The following FBXO33 variants were observed in gnomAD, a reference collection of about 807,000 sequenced individuals.
The protein encoded by FBXO33 is F-box only protein 33.
Under a neutral mutation model 46.3 loss-of-function variants are expected in FBXO33, and 22 were observed. That is an observed-to-expected ratio of 0.48 (90% CI 0.34 to 0.68). FBXO33 has a LOEUF of 0.68. Among genes scored for constraint, FBXO33 ranks in the 30% least tolerant of loss-of-function variants. The pLI is 0.01. For synonymous variants in FBXO33, 337 were observed against 291.3 expected (o/e 1.16, Z -1.60); for missense variants, 692 against 708.8 (o/e 0.98, Z 0.27).
intron 1 of FBXO33, among the ~76,000 whole-genome samples, chr14:39,429,184 G>T (rs1567080078): frequency 6.6e-6 from 1 of 152,070 alleles, no homozygotes; most frequent in East Asian, 1.9e-4. Flanking sequence ...TTTCCTGAGG[G>T]ACATGAAAAT....
rs150696733 is a variant in FBXO33, at chr14:39,401,033, C to T, written c.1396+143G>A. 358 of 740,228 alleles carry T rather than the reference C, an allele frequency of 4.8e-4. 1 individual carries two copies. In the African/African-American group the frequency reaches 5.7e-3, roughly 12 times the overall value. The allele number at this position is 740,228 out of a possible 1,614,324, so 45.9% of individuals were successfully genotyped here. A position where few individuals can be genotyped will look rare whatever the true frequency, so the allele number is the denominator to read the frequency against. ...TTCCTTTTGTAAGTGATATATCTTG[C>T]AAACTTTAAAAAGCATAAGAATCTG... On this transcript the variant is annotated intron_variant, in intron 3 of 3. Coordinates refer to ENST00000298097, the MANE Select transcript of FBXO33 (RefSeq NM_203301.4).
At chr14:39,409,846 T>TTTCC (rs1295480637) in intron 1 of FBXO33, among the ~76,000 whole-genome samples, 1 of 152,234 alleles carries the variant, frequency 6.6e-6, no homozygotes, top group Non-Finnish European at 1.5e-5. Flanking sequence ...ATTTTCTTAA[T>TTTCC]TTCCCGTTGA....
At chr14:39,403,385 C>G (rs975128477) in intron 1 of FBXO33, among the ~76,000 whole-genome samples, 1 of 152,074 alleles carries the variant, frequency 6.6e-6, no homozygotes, top group Non-Finnish European at 1.5e-5. Flanking sequence ...CGCTTGAGGT[C>G]GGGAGTTCGA....
intron 1 of FBXO33, 149 bp downstream of exon 1, chr14:39,431,415 A>C: frequency 7.1e-7 from 1 of 1,404,986 alleles, no homozygotes; most frequent in Non-Finnish European, 9.6e-7. Context: ...CGCTCAAGGA[A>C]ACCGCCTAGT....
chr14:39,399,905 C>T, intron 3 of FBXO33, 118 bp from the exon 4 acceptor site: 1 of 1,151,646 alleles, frequency 8.7e-7, no homozygotes, highest in Non-Finnish European at 1.2e-6. Context: ...ATCTCACTTA[C>T]CGTTTTGGTC....
At chr14:39,412,888 T>C (rs2075430307) in intron 1 of FBXO33, among the ~76,000 whole-genome samples, 1 of 152,262 alleles carries the variant, frequency 6.6e-6, no homozygotes. Context: ...ACTTTATTGC[T>C]AAAAAATGCT....
chr14:39,408,621 T>C (rs2075409148), intron 1 of FBXO33, among the ~76,000 whole-genome samples: 1 of 151,246 alleles, frequency 6.6e-6, no homozygotes, highest in South Asian at 2.1e-4. Context: ...CAAGCAATTC[T>C]CCTGCCTCAG....
intron 1 of FBXO33, among the ~76,000 whole-genome samples, chr14:39,420,351 G>A (rs909645808): frequency 6.6e-6 from 1 of 152,154 alleles, no homozygotes; most frequent in Non-Finnish European, 1.5e-5. Flanking sequence ...TTTAGTAAAG[G>A]TAAAATGGCA....
intron 1 of FBXO33, among the ~76,000 whole-genome samples, chr14:39,416,893 G>A (rs1343425573): frequency 6.6e-6 from 1 of 151,950 alleles, no homozygotes; most frequent in Non-Finnish European, 1.5e-5. Flanking sequence ...ATGTTTTCTT[G>A]ATTTTCCATG....
At position 39,411,161 on chromosome 14, in the gene FBXO33, T is replaced by C. The variant is rs182785164; in HGVS notation, c.600-8650A>G. On this transcript the variant is annotated intron_variant, in intron 1 of 3. Coordinates refer to ENST00000298097, the MANE Select transcript of FBXO33 (RefSeq NM_203301.4). ...CCAGGGCTGGAGTGCAGTGGTGTGA[T>C]CTTGGCTCACTGCACCCTCCGCCTC... Among the ~76,000 whole-genome samples, 949 of 152,168 alleles carry C rather than the reference T, an allele frequency of 6.2e-3. 3 individuals are homozygous for C. The highest frequency in any genetic ancestry group is 0.017 in the Middle Eastern group (5 of 294).
intron 1 of FBXO33, among the ~76,000 whole-genome samples, chr14:39,421,843 C>CTTTTTGGTT (rs2075486520): frequency 6.6e-6 from 1 of 150,536 alleles, no homozygotes; most frequent in African/African-American, 2.4e-5. Context: ...TAAGAATAAC[C>CTTTTTGGTT]AAAAAGGGGA....
intron 3 of FBXO33, among the ~76,000 whole-genome samples, chr14:39,400,906 C>A (rs545890676): frequency 6.6e-6 from 1 of 152,242 alleles, no homozygotes; most frequent in African/African-American, 2.4e-5. Flanking sequence ...GCTTTCTTAG[C>A]TAAATTAATT....
chr14:39,403,054 T>C (rs1193113429), intron 1 of FBXO33, among the ~76,000 whole-genome samples: 1 of 152,136 alleles, frequency 6.6e-6, no homozygotes, highest in Non-Finnish European at 1.5e-5. Context: ...ACCTACCTTA[T>C]AGGGTTTAAG....
Position 39,399,816 on chromosome 14 carries a change from A to AATTTCCTTGC in FBXO33, c.1397-39_1397-30dup, listed in dbSNP as rs763414757. ...AAAAATAAACAAAAGACAACACTGT[A>AATTTCCTTGC]ATTTCCTTGCATTTCCTTTTCTCTT... On this transcript the variant is annotated intron_variant, in intron 3 of 3. Coordinates refer to ENST00000298097, the MANE Select transcript of FBXO33 (RefSeq NM_203301.4). 6 of 1,491,216 alleles carry AATTTCCTTGC rather than the reference A, an allele frequency of 4.0e-6. No individual in the cohort carries two copies. The East Asian group carries it at 1.4e-4, about 34-fold the overall frequency. 92.4% of individuals were successfully genotyped at this position (1,491,216 alleles called of 1,614,324 possible).
chr14:39,402,461 TG>T lies in FBXO33; in HGVS notation c.649del (p.Gln217LysfsTer30). 1 of 1,583,668 alleles carries T rather than the reference TG, an allele frequency of 6.3e-7. No individual in the cohort carries two copies. Among genetic ancestry groups the T allele is most frequent in the Non-Finnish European group, 8.6e-7 (1 of 1,164,440 alleles). ...LFGDISVLQQ[Q>X]GSLSNTYLSK... is the part of the protein sequence containing the mutation. ...GAGGTATGTATTTGACAAACTTCCT[TG>T]CTGTTGTAGAACACTTATGTCTCCA... is the stretch of plus-strand genomic sequence containing the variant. On this transcript the variant is annotated frameshift_variant, in exon 2 of 4. Transcript: ENST00000298097. LOFTEE classifies it high-confidence loss of function.
At chr14:39,401,116 T>C in intron 3 of FBXO33, 60 bp downstream of exon 3, 1 of 1,456,110 alleles carries the variant, frequency 6.9e-7, no homozygotes. Context: ...ATCTCTTTAC[T>C]GGCAGAAAAT....
chr14:39,414,117 C>G (rs1418486055), intron 1 of FBXO33, among the ~76,000 whole-genome samples: 3 of 152,230 alleles, frequency 2.0e-5, no homozygotes, highest in African/African-American at 7.2e-5. Context: ...ACTGAAAAAT[C>G]TGTTGTTTAC....
rs909274794 is a variant in FBXO33 at position 39,398,755 on chromosome 14, C to T, written c.*761G>A. The T allele has an allele frequency of 2.0e-5, 3 of 152,518 alleles. No individual in the cohort carries two copies. Among genetic ancestry groups the T allele is most frequent in the African/African-American group, 7.2e-5 (3 of 41,398 alleles). The allele number at this position is 152,518 out of a possible 1,614,324, so 9.4% of individuals were successfully genotyped here. Reference sequence around the variant, plus strand: ...ATTTACAACTCTGTGTTTTTATTTCCTTTAGGAGATTTTACTCTGAAATAC... The same window carrying T: ...ATTTACAACTCTGTGTTTTTATTTCTTTTAGGAGATTTTACTCTGAAATAC... On this transcript the variant is annotated 3_prime_UTR_variant, in exon 4 of 4. Coordinates refer to ENST00000298097, the MANE Select transcript of FBXO33 (RefSeq NM_203301.4).
rs529860566 is a variant in FBXO33 at position 39,411,525 on chromosome 14, C to T, written c.600-9014G>A. Among the ~76,000 whole-genome samples, 43 of 150,958 alleles carry T rather than the reference C, an allele frequency of 2.8e-4. No individual in the cohort carries two copies. The South Asian group carries it at 9.1e-3, about 32-fold the overall frequency. On this transcript the variant is annotated intron_variant, in intron 1 of 3. Transcript: ENST00000298097. Reference sequence around the variant, plus strand: ...ATCAAGATATTATTTGACTTCCCCCCCCTTTTTTTTTCTTGAGACAAGAGT... The same window carrying T: ...ATCAAGATATTATTTGACTTCCCCCTCCTTTTTTTTTCTTGAGACAAGAGT...
Sources: gnomAD v4.1 joint callset for allele counts (sites outside exome capture counted in the v4.1 genomes callset) on GRCh38, gnomAD v4.1.1 for gene constraint, MANE v1.5 for transcripts, NCBI Gene and HGNC (gene_info 2026-07-23, HGNC 2026-07-21) for gene names.